CIC: variants seen among roughly 807,000 people sequenced by gnomAD.
CIC encodes capicua transcriptional repressor.
Under a neutral mutation model 115.7 loss-of-function variants are expected in CIC, and 18 were observed. That is an observed-to-expected ratio of 0.16 (90% confidence interval 0.11 to 0.23). CIC has a LOEUF of 0.23. Among genes scored for constraint, CIC ranks in the 10% least tolerant of loss-of-function variants. The pLI is 1.00. For synonymous variants in CIC, 1,076 were observed against 923.0 expected (o/e 1.17, Z -3.01); for missense variants, 2,000 against 2,159.3 (o/e 0.93, Z 1.46).
rs576577676 is a variant in CIC, at chr19:42,292,736, C to T, written c.6073C>T (p.Pro2025Ser). 2 of 1,613,714 alleles carry T rather than the reference C, an allele frequency of 1.2e-6. No individual in the cohort carries two copies. Among genetic ancestry groups the T allele is most frequent in the African/African-American group, 1.3e-5 (1 of 74,878 alleles). Residue 2025 changes from proline to serine, a missense_variant, in exon 15 of 21, where the codon CCA becomes TCA. Transcript: ENST00000681038. ...CCTGGCCCAGCCATCCCAGGCCCCC[C>T]CAAGCCTGGTCTACACTGTGGCCAC... ...APLAQPSQAP[P>S]SLVYTVATST...
chr19:42,294,870 C>T lies in CIC; in HGVS notation c.7233C>T (p.Pro2411=). Residue 2411 remains proline (P), a synonymous_variant, in exon 21 of 21, where the codon CCC becomes CCT. Transcript: ENST00000681038. ...AGGCCCGCTATGCAGACATCTTTCC[C>T]TCCAAGGTTTGTCTGCAGTTGAAGA... is the stretch of plus-strand genomic sequence containing the variant. The part of the protein sequence containing the change: ...AFQARYADIF[P]SKVCLQLKIR... 2 of 1,600,924 alleles carry T rather than the reference C, an allele frequency of 1.2e-6. No individual in the cohort carries two copies. Among genetic ancestry groups the T allele is most frequent in the South Asian group, 1.1e-5 (1 of 91,086 alleles).
At chr19:42,288,558 G>A (rs111289299) in intron 7 of CIC, among the ~76,000 whole-genome samples, 1 of 152,092 alleles carries the variant, frequency 6.6e-6, no homozygotes, top group African/African-American at 2.4e-5. Flanking sequence ...ATGAGAGTGG[G>A]GACACTAGTT....
chr19:42,290,296 C>G lies in CIC; in HGVS notation c.4255C>G (p.Leu1419Val). The G allele has an allele frequency of 1.2e-6, 2 of 1,614,104 alleles. No individual in the cohort carries two copies. The highest frequency in any genetic ancestry group is 2.2e-5 in the South Asian group (2 of 91,086). Residue 1419 changes from leucine (L) to valine (V), a missense_variant, in exon 11 of 21, where the codon CTG becomes GTG. Physicochemically the swap from Leu to Val is conservative, Grantham distance 32 (BLOSUM62 1). Around this residue, in one of 8 missense-constraint regions of CIC, gnomAD observed 1,466 missense variants for 1,390.4 expected, o/e 1.05. Coordinates refer to ENST00000681038, the MANE Select transcript of CIC (RefSeq NM_001386298.1). ...RSSFTHCRPP[L>V]DPEPPGPPDP... ...CTCCTTTACCCACTGCCGCCCCCCA[C>G]TGGACCCTGAGCCCCCAGGGCCCCC...
At position 42,273,107 on chromosome 19, in the gene CIC, T is replaced by G. The variant is rs2036846589; in HGVS notation, c.1324T>G (p.Ser442Ala). Residue 442 changes from serine to alanine, a missense_variant, in exon 2 of 21, where the codon TCG (serine) becomes GCG (alanine). Ser to Ala is a moderately conservative substitution (Grantham distance 99). Coordinates refer to ENST00000681038, the MANE Select transcript of CIC (RefSeq NM_001386298.1). Reference sequence around the variant, plus strand: ...CCCCGGCCGCCCTGGCGAGCAGCCCTCGCCCTGCCAGGAGGGGAGCCAGGG... The same window carrying G: ...CCCCGGCCGCCCTGGCGAGCAGCCCGCGCCCTGCCAGGAGGGGAGCCAGGG... The part of the protein sequence containing the change: ...VGPGRPGEQP[S>A]PCQEGSQGGS... 1.0e-5 allele frequency: 4 copies of G among 398,322 alleles called. No homozygotes were observed. The highest frequency in any genetic ancestry group is 2.5e-4 in the South Asian group (2 of 7,908). 24.7% of individuals were successfully genotyped at this position (398,322 alleles called of 1,614,324 possible).
At position 42,289,014 on chromosome 19, in the gene CIC, G is replaced by A. The variant is rs778778296; in HGVS notation, c.3785G>A (p.Arg1262Gln). 1.1e-5 allele frequency: 18 copies of A among 1,613,724 alleles called. No homozygotes were observed. Among genetic ancestry groups the A allele is most frequent in the Non-Finnish European group, 1.5e-5 (18 of 1,180,052 alleles). The change falls in exon 8 of 21, where the codon CGA becomes CAA. Residue 1262 changes from arginine (R) to glutamine (Q), a missense_variant. Around this residue, in one of 8 missense-constraint regions of CIC, gnomAD observed 1,466 missense variants for 1,390.4 expected, o/e 1.05. Coordinates refer to ENST00000681038, the MANE Select transcript of CIC (RefSeq NM_001386298.1). The part of the protein sequence containing the change: ...TVGGPGSARP[R>Q]AFSHSGVHSL... ...GGGGGACCTGGCTCAGCCCGGCCCC[G>A]AGCTTTCTCCCACAGCGGGGTACAC...
upstream of CIC, chr19:42,268,732 TG>T (rs2036655181): frequency 1.3e-5 from 2 of 152,296 alleles, no homozygotes; most frequent in Admixed American, 1.3e-4. Context: ...TAGTCTGCCT[TG>T]TACTGTCGGC....
Position 42,273,499 on chromosome 19 carries a change from T to C in CIC, c.1716T>C (p.Ser572=), listed in dbSNP as rs904941849. The C allele has an allele frequency of 2.5e-6, 1 of 398,346 alleles. No homozygotes were observed. Among genetic ancestry groups the C allele is most frequent in the African/African-American group, 2.1e-5 (1 of 48,598 alleles). The allele number at this position is 398,346 out of a possible 1,614,324, so 24.7% of individuals were successfully genotyped here. A position where few individuals can be genotyped will look rare whatever the true frequency, so the allele number is the denominator to read the frequency against. The part of the protein sequence containing the change: ...DETSRDSEAS[S]VAARGDSRPR... ...CGTCGAGGGACAGTGAGGCCAGCAG[T>C]GTGGCGGCTCGTGGAGACTCACGGC... The change falls in exon 2 of 21, where the codon AGT becomes AGC. Residue 572 remains serine, a synonymous_variant. Coordinates refer to ENST00000681038, the MANE Select transcript of CIC (RefSeq NM_001386298.1).
Position 42,287,147 on chromosome 19 carries a change from G to A in CIC, c.3086G>A (p.Gly1029Asp), listed in dbSNP as rs2037713037. 5 of 1,613,580 alleles carry A rather than the reference G, an allele frequency of 3.1e-6. No individual in the cohort carries two copies. In the East Asian group the frequency reaches 1.1e-4, roughly 36 times the overall value. ...PPHPLGVVESGKGPPPTTEEE... is the reference protein window; with the variant it reads ...PPHPLGVVESDKGPPPTTEEE... ...CACCCTTTGGGGGTGGTGGAATCTG[G>A]TAAGGGTCCGCCTCCCACCACGGAG... Residue 1029 changes from glycine (G) to aspartate (D), a missense_variant, in exon 4 of 21, where the codon GGT becomes GAT. Physicochemically the swap from Gly to Asp is moderately conservative, Grantham distance 94. Around this residue, in one of 8 missense-constraint regions of CIC, gnomAD observed 222 missense variants for 247.7 expected, o/e 0.90. Coordinates refer to ENST00000681038, the MANE Select transcript of CIC (RefSeq NM_001386298.1). This position sits in a 1 kb window ranked among gnomAD's most constrained non-coding sequence, Gnocchi z 8.7.
chr19:42,293,721 A>T lies in CIC; in HGVS notation c.6652A>T (p.Ser2218Cys). 11 of 1,612,936 alleles carry T rather than the reference A, an allele frequency of 6.8e-6. No individual in the cohort carries two copies. Among genetic ancestry groups the T allele is most frequent in the Non-Finnish European group, 9.3e-6 (11 of 1,179,818 alleles). ...PAVAPGGSSESSSGRAAGDTP... is the reference protein window; with the variant it reads ...PAVAPGGSSECSSGRAAGDTP... Reference sequence around the variant, plus strand: ...TGTAGCCCCTGGTGGCAGCAGCGAGAGCAGCAGTGGGCGGGCAGCCGGGGA... The same window carrying T: ...TGTAGCCCCTGGTGGCAGCAGCGAGTGCAGCAGTGGGCGGGCAGCCGGGGA... Residue 2218 changes from serine to cysteine, a missense_variant, in exon 17 of 21, where the codon AGC (serine) becomes TGC (cysteine). Physicochemically the swap from Ser to Cys is moderately radical, Grantham distance 112 (BLOSUM62 -1). Coordinates refer to ENST00000681038, the MANE Select transcript of CIC (RefSeq NM_001386298.1).
chr19:42,282,728 G>A (rs1035753812), intron 2 of CIC, among the ~76,000 whole-genome samples: 1 of 152,172 alleles, frequency 6.6e-6, no homozygotes, highest in African/African-American at 2.4e-5. Flanking sequence ...AATCTCTGAG[G>A]CTCATTTTTT....
Position 42,274,175 on chromosome 19 carries a change from T to C in CIC, c.2392T>C (p.Ser798Pro), listed in dbSNP as rs970967416. The stretch of plus-strand genomic sequence containing the variant: ...CGGCCTGACCTCGGATCCAGGGCCC[T>C]CTGTGCGCAGGGTGCCTGCTGTGCA... ...PAGLTSDPGP[S>P]VRRVPAVQRD... is the part of the protein sequence containing the mutation. Residue 798 changes from serine (S) to proline (P), a missense_variant, in exon 2 of 21, where the codon TCT becomes CCT. This residue lies in a region of CIC where 222 missense variants were observed against 247.7 expected (regional missense o/e 0.90). Coordinates refer to ENST00000681038, the MANE Select transcript of CIC (RefSeq NM_001386298.1). 5 of 399,154 alleles carry C rather than the reference T, an allele frequency of 1.3e-5. No individual in the cohort carries two copies. The highest frequency in any genetic ancestry group is 2.2e-5 in the Non-Finnish European group (5 of 226,434). The allele number at this position is 399,154 out of a possible 1,614,324, so 24.7% of individuals were successfully genotyped here.
At position 42,290,944 on chromosome 19, in the gene CIC, A is replaced by G; in HGVS notation, c.4903A>G (p.Ser1635Gly). 6.2e-7 allele frequency: 1 copy of G among 1,613,668 alleles called. No homozygotes were observed. Among genetic ancestry groups the G allele is most frequent in the Non-Finnish European group, 8.5e-7 (1 of 1,180,014 alleles). Residue 1635 changes from serine (S) to glycine (G), a missense_variant, in exon 11 of 21, where the codon AGC becomes GGC. Coordinates refer to ENST00000681038, the MANE Select transcript of CIC (RefSeq NM_001386298.1). Reference protein sequence around the residue: ...RVPGGSPLGVSLVYSDKKSAA... With the variant: ...RVPGGSPLGVGLVYSDKKSAA... ...GCCTGGGGGCTCCCCGCTGGGTGTC[A>G]GCTTAGTGTATTCGGACAAGAAGTC...
In CIC at chr19:42,290,383, C is replaced by T. The variant is rs2037994550; in HGVS notation, c.4342C>T (p.Pro1448Ser). 2.5e-6 allele frequency: 4 copies of T among 1,614,148 alleles called. No homozygotes were observed. The highest frequency in any genetic ancestry group is 3.4e-6 in the Non-Finnish European group (4 of 1,179,990). Residue 1448 changes from proline (P) to serine (S), a missense_variant, in exon 11 of 21, where the codon CCT (proline) becomes TCT (serine). By Grantham distance (74) the Pro-to-Ser change is moderately conservative (BLOSUM62 -1). Coordinates refer to ENST00000681038, the MANE Select transcript of CIC (RefSeq NM_001386298.1). ...GSAPSSSASS[P>S]ASSSASAATS... ...CGCCCCATCCTCCTCTGCGTCCTCG[C>T]CTGCTTCCTCCTCAGCCTCGGCAGC...
intron 2 of CIC, chr19:42,284,172 CGGGCCCG>C (rs2037422155): frequency 6.9e-6 from 1 of 145,960 alleles, no homozygotes; most frequent in African/African-American, 2.5e-5. Flanking sequence ...CGCTGAGCCT[CGGGCCCG>C]GGGCCCGGAA....
In CIC at chr19:42,289,207, T is replaced by C; in HGVS notation, c.3888T>C (p.Ser1296=). 1 of 1,613,380 alleles carries C rather than the reference T, an allele frequency of 6.2e-7. No individual in the cohort carries two copies. The change falls in exon 9 of 21, where the codon TCT becomes TCC. Residue 1296 remains serine (S), a synonymous_variant. Coordinates refer to ENST00000681038, the MANE Select transcript of CIC (RefSeq NM_001386298.1). ...TQMVSGPASY[S]GPKPSTQYGA... ...TGGTGTCTGGCCCTGCATCGTACTC[T>C]GGCCCAAAGCCTTCTACCCAGTATG...
chr19:42,282,810 A>G (rs986319982), intron 2 of CIC, among the ~76,000 whole-genome samples: 5 of 149,808 alleles, frequency 3.3e-5, no homozygotes, highest in Non-Finnish European at 7.4e-5. Flanking sequence ...CAGATAATAC[A>G]TACAAGCTCC....
chr19:42,284,685 G>T (rs1330819464), intron 2 of CIC: 2 of 1,539,000 alleles, frequency 1.3e-6, no homozygotes, highest in Admixed American at 1.9e-5. Flanking sequence ...GCCCCTGCCG[G>T]GTCCCCCCTG....
rs1206583028 is a variant in CIC at position 42,290,646 on chromosome 19, C to T, written c.4605C>T (p.Asn1535=). 5 of 1,613,590 alleles carry T rather than the reference C, an allele frequency of 3.1e-6. No homozygotes were observed. Among genetic ancestry groups the T allele is most frequent in the Non-Finnish European group, 3.4e-6 (4 of 1,179,978 alleles). Residue 1535 remains asparagine, a synonymous_variant, in exon 11 of 21, where the codon AAC becomes AAT. Coordinates refer to ENST00000681038, the MANE Select transcript of CIC (RefSeq NM_001386298.1). ...VIAAPPSGGG[N]ILQTLVLPPN... is the part of the protein sequence containing the mutation. ...CGGCCCCTCCCAGCGGAGGAGGAAA[C>T]ATCCTGCAGACACTGGTGCTGCCCC...
Position 42,292,448 on chromosome 19 carries a change from G to A in CIC, c.5884G>A (p.Val1962Met), listed in dbSNP as rs773634795. ...GCTGGGGCCCAGCGGCCCCGCCTTC[G>A]TGCAGCCCCTGCTCTCAGGTGAGGG... ...TSLGPSGPAFVQPLLSAGQAP... is the reference protein window; with the variant it reads ...TSLGPSGPAFMQPLLSAGQAP... Residue 1962 changes from valine to methionine, a missense_variant, in exon 14 of 21, where the codon GTG becomes ATG. Val to Met is a conservative substitution (Grantham distance 21). Transcript: ENST00000681038. 53 of 1,610,998 alleles carry A rather than the reference G, an allele frequency of 3.3e-5. No individual in the cohort carries two copies. In the Middle Eastern group the frequency reaches 5.0e-4, roughly 15 times the overall value.
Sources: gnomAD v4.1 joint callset for allele counts (sites outside exome capture counted in the v4.1 genomes callset) on GRCh38, gnomAD v4.1.1 for gene constraint, gnomAD v4.1.1 regional missense constraint, Gnocchi (gnomAD v3.1) non-coding constraint, MANE v1.5 for transcripts, NCBI Gene and HGNC (gene_info 2026-07-23, HGNC 2026-07-21) for gene names.